Variants in ITGA11 observed in about 807,000 individuals in gnomAD.
ITGA11 encodes the protein integrin alpha-11.
ITGA11 carries 97 observed loss-of-function variants against 141.9 expected under a neutral mutation model. The observed-to-expected ratio is 0.68, with a 90% CI of 0.58 to 0.81. The LOEUF (loss-of-function observed/expected upper bound fraction) is 0.81. Among genes scored for constraint, ITGA11 ranks in the 30% least tolerant of loss-of-function variants. ITGA11 has a pLI of 0.00. For synonymous variants in ITGA11, 658 were observed against 624.6 expected, an observed-to-expected ratio of 1.05 and a Z score of -0.80; for missense variants, 1,387 against 1,559.2, an observed-to-expected ratio of 0.89 and a Z score of 1.86.
At chr15:68,327,806 G>A (rs1400176975) in intron 16 of ITGA11, among the ~76,000 whole-genome samples, 3 of 152,032 alleles carry the variant, frequency 2.0e-5, no homozygotes, top group African/African-American at 4.8e-5. Flanking sequence ...TTTCTCCACT[G>A]GCATCAGTCC....
intron 10 of ITGA11, among the ~76,000 whole-genome samples, chr15:68,340,186 A>AACC (rs1470140752): frequency 6.7e-6 from 1 of 148,802 alleles, no homozygotes; most frequent in Non-Finnish European, 1.5e-5. Context: ...CCCCGCCCCC[A>AACC]ACCACCAGCA....
intron 3 of ITGA11, 74 bp downstream of exon 3, chr15:68,369,110 G>T: frequency 1.0e-6 from 1 of 1,003,714 alleles, no homozygotes; most frequent in South Asian, 1.3e-5. Context: ...CCATGGACAT[G>T]GGCGTGCATC....
chr15:68,401,906 A>G (rs760242904), intron 2 of ITGA11, among the ~76,000 whole-genome samples: 4 of 152,212 alleles, frequency 2.6e-5, no homozygotes, highest in Non-Finnish European at 5.9e-5. Flanking sequence ...CGAGAGAATT[A>G]GCCAGATGGT....
Position 68,432,115 on chromosome 15 carries a change from G to A in ITGA11, c.-49C>T. 7.5e-7 allele frequency: 1 copy of A among 1,328,612 alleles called. No individual in the cohort carries two copies. Among genetic ancestry groups the A allele is most frequent in the Non-Finnish European group, 9.7e-7 (1 of 1,035,820 alleles). 82.3% of individuals were successfully genotyped at this position (1,328,612 alleles called of 1,614,324 possible). On this transcript the variant is annotated 5_prime_UTR_variant, in exon 1 of 30. Transcript: ENST00000315757. ...CCGGTGTGCAGCGGCGGCGGGGGGC[G>A]GCAAGCCAGAGCGGCAGCCTCCTCG...
rs749990568 is a variant in ITGA11, at chr15:68,307,197, C to A, written c.3381+151G>T. 1.1e-5 allele frequency: 7 copies of A among 617,506 alleles called. No individual in the cohort carries two copies. The highest frequency in any genetic ancestry group is 8.8e-5 in the Admixed American group (3 of 34,110). The allele number at this position is 617,506 out of a possible 1,614,324, so 38.3% of individuals were successfully genotyped here. A position where few individuals can be genotyped will look rare whatever the true frequency, so the allele number is the denominator to read the frequency against. ...GTCTTGCTTTTTTCCCTCTTTTCAG[C>A]GGCTGCCCTAACAGCCCACAGGTCT... On this transcript the variant is annotated intron_variant, in intron 28 of 29. Coordinates refer to ENST00000315757, the MANE Select transcript of ITGA11 (RefSeq NM_001004439.2). The surrounding 1 kb of genome is among the most constrained non-coding windows in gnomAD (Gnocchi z 6.1).
At position 68,325,126 on chromosome 15, in the gene ITGA11, T is replaced by C. The variant is rs1595859559; in HGVS notation, c.2322+5A>G. On this transcript the variant is annotated splice_donor_5th_base_variant and intron_variant, in intron 18 of 29. Coordinates refer to ENST00000315757, the MANE Select transcript of ITGA11 (RefSeq NM_001004439.2). The surrounding 1 kb of genome is among the most constrained non-coding windows in gnomAD (Gnocchi z 5.5). ...CCGAGGTGCGTGCCCTGTACCGAGA[T>C]GTACCGAGACTCTGAGAGTGGTGGG... is the stretch of plus-strand genomic sequence containing the variant. The C allele has an allele frequency of 6.2e-7, 1 of 1,609,512 alleles. No individual in the cohort carries two copies. Among genetic ancestry groups the C allele is most frequent in the Non-Finnish European group, 8.5e-7 (1 of 1,176,186 alleles).
chr15:68,341,670 C>T (rs1194661196), intron 10 of ITGA11, among the ~76,000 whole-genome samples: 2 of 152,218 alleles, frequency 1.3e-5, no homozygotes, highest in East Asian at 3.8e-4. Flanking sequence ...GCTTTCCTCC[C>T]TCTCTCTGCC....
At chr15:68,349,417 C>T (rs1894837115) in intron 9 of ITGA11, among the ~76,000 whole-genome samples, 1 of 152,196 alleles carries the variant, frequency 6.6e-6, no homozygotes, top group Admixed American at 6.5e-5. Context: ...GAAAGCCTCT[C>T]CCCACAGAGG....
At chr15:68,381,029 T>G (rs972352738) in intron 2 of ITGA11, among the ~76,000 whole-genome samples, 1 of 152,206 alleles carries the variant, frequency 6.6e-6, no homozygotes, top group Non-Finnish European at 1.5e-5. Context: ...CCTCTTTGGA[T>G]TCAGGCACTG....
chr15:68,327,249 C>T (rs776162997), intron 16 of ITGA11, among the ~76,000 whole-genome samples: 8 of 152,190 alleles, frequency 5.3e-5, no homozygotes, highest in Non-Finnish European at 1.0e-4. Flanking sequence ...CCCTTCCTGC[C>T]GGATCCTCAA....
Position 68,348,910 on chromosome 15 carries a change from A to G in ITGA11, c.1061-10T>C, listed in dbSNP as rs2140328519. The G allele has an allele frequency of 1.2e-6, 2 of 1,600,044 alleles. No homozygotes were observed. The highest frequency in any genetic ancestry group is 1.7e-6 in the Non-Finnish European group (2 of 1,172,726). On this transcript the variant is annotated splice_polypyrimidine_tract_variant and intron_variant, in intron 9 of 29. Transcript: ENST00000315757. ...TCGTTCTTGTTGGTGCCTGCAACAGAGTGACAGAGAGATGTCAGCTCCATG... is the reference window on the plus strand; with the variant it reads ...TCGTTCTTGTTGGTGCCTGCAACAGGGTGACAGAGAGATGTCAGCTCCATG...
chr15:68,313,918 G>A (rs1893483359), intron 22 of ITGA11, 50 bp from the exon 23 acceptor site: 1 of 1,470,480 alleles, frequency 6.8e-7, no homozygotes, highest in South Asian at 1.1e-5. Flanking sequence ...AGCCAGCACA[G>A]GCAGCGGGAA....
In ITGA11 at chr15:68,326,657, G is replaced by A. The variant is rs762002229; in HGVS notation, c.2208C>T (p.Val736=). The stretch of plus-strand genomic sequence containing the variant: ...GCTGGTGGGGCTGCCAGCTTACCAG[G>A]ACATGGAAGTTGATCCGCTCACAGA... ...QELCERINFH[V]LDTADYVKPV... is the part of the protein sequence containing the mutation. Residue 736 remains valine, a synonymous_variant, in exon 17 of 30, where the codon GTC becomes GTT. Coordinates refer to ENST00000315757, the MANE Select transcript of ITGA11 (RefSeq NM_001004439.2). The surrounding 1 kb of genome is among the most constrained non-coding windows in gnomAD (Gnocchi z 6.8). The A allele has an allele frequency of 6.9e-6, 11 of 1,590,350 alleles. No homozygotes were observed. Among genetic ancestry groups the A allele is most frequent in the Non-Finnish European group, 9.4e-6 (11 of 1,168,642 alleles).
chr15:68,312,201 A>G (rs1379931204), intron 24 of ITGA11, among the ~76,000 whole-genome samples: 1 of 152,240 alleles, frequency 6.6e-6, no homozygotes, highest in Non-Finnish European at 1.5e-5. Flanking sequence ...AAAAGGCCAC[A>G]TTTCCCAGCC....
rs1003137977 is a variant in ITGA11, at chr15:68,298,625, CAAAAAT to C, written c.*4428_*4433del. 1 of 151,780 alleles carries C rather than the reference CAAAAAT, an allele frequency of 6.6e-6. No homozygotes were observed. The highest frequency in any genetic ancestry group is 2.4e-5 in the African/African-American group (1 of 41,378). 9.4% of individuals were successfully genotyped at this position (151,780 alleles called of 1,614,324 possible). A position where few individuals can be genotyped will look rare whatever the true frequency, so the allele number is the denominator to read the frequency against. ...TGGGTGACAGAGCAAGACCCTGTCT[CAAAAAT>C]AAAAATAAGAAAGATGGACTCTGTC... is the stretch of plus-strand genomic sequence containing the variant. On this transcript the variant is annotated 3_prime_UTR_variant, in exon 30 of 30. Coordinates refer to ENST00000315757, the MANE Select transcript of ITGA11 (RefSeq NM_001004439.2).
At chr15:68,384,393 C>T (rs933097705) in intron 2 of ITGA11, among the ~76,000 whole-genome samples, 7 of 152,152 alleles carry the variant, frequency 4.6e-5, no homozygotes, top group Admixed American at 2.0e-4. Context: ...CCCCAGACTT[C>T]GCTCTTGGTT....
chr15:68,328,377 G>T lies in ITGA11; in HGVS notation c.1902-115C>A, dbSNP rs1339794212. 1.6e-4 allele frequency: 142 copies of T among 911,184 alleles called. No homozygotes were observed. The highest frequency in any genetic ancestry group is 2.3e-4 in the Non-Finnish European group (137 of 592,998). The allele number at this position is 911,184 out of a possible 1,614,324, so 56.4% of individuals were successfully genotyped here. ...TGGGATCTGCAAAGCCACTGGAGGG[G>T]GTGAGGTGGAGGATGGAGGGGGCGA... On this transcript the variant is annotated intron_variant, in intron 15 of 29. Transcript: ENST00000315757. The surrounding 1 kb of genome is among the most constrained non-coding windows in gnomAD (Gnocchi z 4.8).
chr15:68,320,393 C>G lies in ITGA11; in HGVS notation c.2409-1G>C, dbSNP rs758532645. On this transcript the variant is annotated splice_acceptor_variant, in intron 19 of 29. Transcript: ENST00000315757. LOFTEE classifies it high-confidence loss of function. Reference sequence around the variant, plus strand: ...CCTCAGCACCCTCTGGCAGTACTCCCTGAGAACAAGAGACCACCAGAGACT... The same window carrying G: ...CCTCAGCACCCTCTGGCAGTACTCCGTGAGAACAAGAGACCACCAGAGACT... 6.3e-7 allele frequency: 1 copy of G among 1,580,804 alleles called. No homozygotes were observed. Among genetic ancestry groups the G allele is most frequent in the South Asian group, 1.2e-5 (1 of 86,736 alleles).
Position 68,326,686 on chromosome 15 carries a change from C to A in ITGA11, c.2179G>T (p.Glu727Ter). The change falls in exon 17 of 30, where the codon GAG becomes TAG. Residue 727 changes from glutamate to a stop codon, truncating the protein, a stop_gained. Coordinates refer to ENST00000315757, the MANE Select transcript of ITGA11 (RefSeq NM_001004439.2). LOFTEE classifies it high-confidence loss of function. The surrounding 1 kb of genome is among the most constrained non-coding windows in gnomAD (Gnocchi z 6.8). ...TGGAAGTTGATCCGCTCACAGAGCT[C>A]CTGGCCGGAGGAGAGCAGTACGGCT... is the stretch of plus-strand genomic sequence containing the variant. ...NRAVLLSSGQ[E>*]LCERINFHVL... 1 of 1,590,736 alleles carries A rather than the reference C, an allele frequency of 6.3e-7. No individual in the cohort carries two copies. The highest frequency in any genetic ancestry group is 8.6e-7 in the Non-Finnish European group (1 of 1,168,872).
Sources: allele counts gnomAD v4.1 joint callset (sites outside exome capture counted in the v4.1 genomes callset), GRCh38; gene constraint gnomAD v4.1.1; non-coding constraint Gnocchi (gnomAD v3.1); transcripts MANE v1.5; gene names NCBI Gene and HGNC (gene_info 2026-07-23, HGNC 2026-07-21).